The following WWTR1 variants were observed in gnomAD, a reference collection of about 807,000 sequenced individuals.
WWTR1 encodes WW domain containing transcription regulator 1.
A neutral mutation model predicts 40.1 loss-of-function variants in WWTR1; 13 were observed. The observed-to-expected ratio is 0.32, with a 90% CI of 0.21 to 0.52. The LOEUF (loss-of-function observed/expected upper bound fraction) is 0.52. WWTR1 is among the 20% of genes least tolerant of loss of function. The probability of loss-of-function intolerance (pLI) is 0.97; values close to 1 mark genes in which losing one functional copy is unlikely to be tolerated. For synonymous variants in WWTR1, 230 were observed against 210.1 expected, an observed-to-expected ratio of 1.09 and a Z score of -0.82; for missense variants, 436 against 523.1, an observed-to-expected ratio of 0.83 and a Z score of 1.63.
At chr3:149,710,580 C>CCG (rs1655707144) in intron 5 of WWTR1, among the ~76,000 whole-genome samples, 2 of 84,428 alleles carry the variant, frequency 2.4e-5, no homozygotes, top group Non-Finnish European at 4.7e-5. Context: ...TCCCCCCCCC[C>CCG]CCTTTTTTTT....
intron 2 of WWTR1, among the ~76,000 whole-genome samples, chr3:149,598,435 G>C (rs1396819690): frequency 6.6e-6 from 1 of 152,186 alleles, no homozygotes; most frequent in Non-Finnish European, 1.5e-5. Flanking sequence ...AAGCTACATA[G>C]CTCATAAGTA....
intron 4 of WWTR1, among the ~76,000 whole-genome samples, chr3:149,530,451 A>C (rs1735520471): frequency 2.6e-5 from 4 of 152,044 alleles, no homozygotes; most frequent in Admixed American, 2.6e-4. Flanking sequence ...AAAAAAATAC[A>C]CTATATATAA....
At chr3:149,603,554 C>CCGCCG (rs1739348916) in intron 2 of WWTR1, among the ~76,000 whole-genome samples, 1 of 146,502 alleles carries the variant, frequency 6.8e-6, no homozygotes, top group Admixed American at 7.0e-5. Flanking sequence ...TTCCCCACCC[C>CCGCCG]CCCCTTGTAC....
rs28763913 is a variant in WWTR1, at chr3:149,525,893, A to G, written c.1018+120T>C. 1.0e-5 allele frequency: 6 copies of G among 595,826 alleles called. No homozygotes were observed. In the East Asian group the frequency reaches 1.6e-4, roughly 16 times the overall value. 36.9% of individuals were successfully genotyped at this position (595,826 alleles called of 1,614,324 possible). On this transcript the variant is annotated intron_variant, in intron 6 of 6. Coordinates refer to ENST00000360632, the MANE Select transcript of WWTR1 (RefSeq NM_015472.6). ...TAGCAAACCTGCACATGTACCCCCA[A>G]ATATAAAATAAAAGTTGAAATTATA... is the stretch of plus-strand genomic sequence containing the variant.
intron 2 of WWTR1, among the ~76,000 whole-genome samples, chr3:149,594,332 C>T (rs1738872994): frequency 6.6e-6 from 1 of 151,948 alleles, no homozygotes; most frequent in Non-Finnish European, 1.5e-5. Flanking sequence ...ATTGATTTTT[C>T]TATGTCGATT....
At chr3:149,680,758 C>T (rs886836014) in intron 1 of WWTR1, among the ~76,000 whole-genome samples, 1 of 152,102 alleles carries the variant, frequency 6.6e-6, no homozygotes, top group African/African-American at 2.4e-5. Flanking sequence ...AGGAGGATTG[C>T]TTGAGCCCAG....
At chr3:149,556,875 A>G (rs1736851078) in intron 3 of WWTR1, among the ~76,000 whole-genome samples, 1 of 152,108 alleles carries the variant, frequency 6.6e-6, no homozygotes, top group Admixed American at 6.5e-5. Flanking sequence ...CAAAACATAC[A>G]ACAAAAAAAC....
chr3:149,664,759 T>C (rs1341928951), intron 2 of WWTR1, among the ~76,000 whole-genome samples: 1 of 152,008 alleles, frequency 6.6e-6, no homozygotes, highest in African/African-American at 2.4e-5. Flanking sequence ...TGGCTGATTT[T>C]GTATTTTAGT....
At chr3:149,531,079 C>A (rs1735553480) in intron 4 of WWTR1, among the ~76,000 whole-genome samples, 1 of 152,190 alleles carries the variant, frequency 6.6e-6, no homozygotes, top group Admixed American at 6.5e-5. Flanking sequence ...GGACTACAGG[C>A]ATGTGCCACC....
chr3:149,661,166 G>A (rs1246062801), upstream of WWTR1: 1 of 152,230 alleles, frequency 6.6e-6, no homozygotes, highest in Non-Finnish European at 1.5e-5. Flanking sequence ...CATGGAGAAG[G>A]AAAGGCCCTG....
At chr3:149,544,218 A>G (rs1339328645) in intron 3 of WWTR1, among the ~76,000 whole-genome samples, 1 of 152,232 alleles carries the variant, frequency 6.6e-6, no homozygotes, top group African/African-American at 2.4e-5. Flanking sequence ...GTATATTTGA[A>G]CGACATATAT....
intron 2 of WWTR1, among the ~76,000 whole-genome samples, chr3:149,578,803 C>T (rs55705292): frequency 2.0e-5 from 3 of 151,944 alleles, no homozygotes; most frequent in African/African-American, 4.8e-5. Context: ...ACACTTGAAC[C>T]GGGGAGGCGG....
chr3:149,584,525 G>A (rs1439693647), intron 2 of WWTR1, among the ~76,000 whole-genome samples: 5 of 152,130 alleles, frequency 3.3e-5, no homozygotes, highest in Admixed American at 6.5e-5. Flanking sequence ...TTCCCATTTT[G>A]CAAGAAATTA....
At chr3:149,628,033 A>C (rs2108101045) in intron 2 of WWTR1, among the ~76,000 whole-genome samples, 1 of 145,652 alleles carries the variant, frequency 6.9e-6, no homozygotes, top group South Asian at 2.2e-4. Context: ...AGATGGCGCC[A>C]TTGCGCTGTA....
upstream of WWTR1, among the ~76,000 whole-genome samples, chr3:149,706,968 T>G (rs1327491473): frequency 6.6e-6 from 1 of 152,176 alleles, no homozygotes. Flanking sequence ...CATTTTTATT[T>G]ACACAAGCCA....
intron 2 of WWTR1, among the ~76,000 whole-genome samples, chr3:149,655,472 A>G (rs1250720137): frequency 6.6e-6 from 1 of 152,090 alleles, no homozygotes; most frequent in African/African-American, 2.4e-5. Context: ...ACAAACAACA[A>G]CAACAAAAGT....
At chr3:149,559,946 G>T (rs1737013139) in intron 3 of WWTR1, among the ~76,000 whole-genome samples, 1 of 152,176 alleles carries the variant, frequency 6.6e-6, no homozygotes, top group African/African-American at 2.4e-5. Context: ...AGGTCTTTCA[G>T]AAGAAACGCC....
intron 1 of WWTR1, among the ~76,000 whole-genome samples, chr3:149,672,544 G>A (rs1714126844): frequency 6.6e-6 from 1 of 151,994 alleles, no homozygotes; most frequent in Admixed American, 6.6e-5. Context: ...TATTATTGGT[G>A]TAAAAATATC....
chr3:149,529,474 C>T (rs770012239), intron 4 of WWTR1, among the ~76,000 whole-genome samples: 1 of 152,168 alleles, frequency 6.6e-6, no homozygotes, highest in Non-Finnish European at 1.5e-5. Context: ...GGGTCTTTGG[C>T]TCACTTCTGT....
Sources: allele counts gnomAD v4.1 joint callset (sites outside exome capture counted in the v4.1 genomes callset), GRCh38; gene constraint gnomAD v4.1.1; transcripts MANE v1.5; gene names NCBI Gene and HGNC (gene_info 2026-07-23, HGNC 2026-07-21).